Variants in KIAA1671 observed in about 807,000 individuals in gnomAD.
KIAA1671 encodes the protein uncharacterized protein KIAA1671.
In KIAA1671, 52 loss-of-function variants were observed where a neutral mutation model predicts 131.2. That is an observed-to-expected ratio of 0.40 (90% CI 0.32 to 0.50). The LOEUF is 0.50. KIAA1671 is among the 20% of genes least tolerant of loss of function. The pLI, the probability that KIAA1671 is intolerant of heterozygous loss-of-function variation, is 0.73. For synonymous variants in KIAA1671, 1,003 were observed against 961.6 expected, an observed-to-expected ratio of 1.04 and a Z score of -0.80; for missense variants, 2,360 against 2,364.2, an observed-to-expected ratio of 1.00 and a Z score of 0.04.
At chr22:25,180,490 A>G (rs533081381) in intron 9 of KIAA1671, among the ~76,000 whole-genome samples, 3 of 152,270 alleles carry the variant, frequency 2.0e-5, no homozygotes, top group African/African-American at 7.2e-5. Flanking sequence ...GGGAGCCGAG[A>G]TCGTGCCACT....
intron 1 of KIAA1671, among the ~76,000 whole-genome samples, chr22:25,004,619 T>C (rs1004383339): frequency 6.6e-6 from 1 of 152,132 alleles, no homozygotes; most frequent in African/African-American, 2.4e-5. Context: ...ATTTTATTTT[T>C]CCCCTGAAAC....
Position 25,041,196 on chromosome 22 carries a change from C to T in KIAA1671, c.4066C>T (p.Pro1356Ser). The change falls in exon 5 of 13, where the codon CCA becomes TCA. Residue 1356 changes from proline to serine, a missense_variant. Around this residue, in one of 3 missense-constraint regions of KIAA1671, gnomAD observed 1,161 missense variants for 1,204.7 expected, o/e 0.96. Coordinates refer to ENST00000358431, the MANE Select transcript of KIAA1671 (RefSeq NM_001145206.2). ...AESKPSGRED[P>S]GSGVRVSPKS... is the part of the protein sequence containing the mutation. ...GTCAAAGCCCTCTGGTCGGGAGGAT[C>T]CAGGCAGTGGGGTCAGGGTGTCACC... The T allele has an allele frequency of 6.4e-7, 1 of 1,551,782 alleles. No individual in the cohort carries two copies.
chr22:25,051,135 G>T (rs1014736132), intron 6 of KIAA1671: 2 of 152,330 alleles, frequency 1.3e-5, no homozygotes, highest in African/African-American at 4.8e-5. Flanking sequence ...TCTCCTCAGA[G>T]GTAGGTGGGT....
chr22:24,963,840 T>A (rs1922148313), intron 1 of KIAA1671, among the ~76,000 whole-genome samples: 1 of 150,794 alleles, frequency 6.6e-6, no homozygotes, highest in Non-Finnish European at 1.5e-5. Flanking sequence ...CTCAGGAGGC[T>A]GAGGCAGGAG....
chr22:25,051,712 A>G (rs1002235022), intron 6 of KIAA1671: 45 of 152,186 alleles, frequency 3.0e-4, no homozygotes, highest in African/African-American at 9.9e-4. Flanking sequence ...GACCCAGCAG[A>G]GGAGGGCTGG....
At chr22:25,139,774 G>T (rs944095135) in intron 6 of KIAA1671, among the ~76,000 whole-genome samples, 5 of 152,200 alleles carry the variant, frequency 3.3e-5, no homozygotes, top group Non-Finnish European at 5.9e-5. Context: ...TTTGAGGAGG[G>T]AACATAGAAG....
chr22:25,088,198 C>T (rs1276526925), intron 6 of KIAA1671, among the ~76,000 whole-genome samples: 1 of 151,680 alleles, frequency 6.6e-6, no homozygotes, highest in Non-Finnish European at 1.5e-5. Context: ...ACCTCTGCCT[C>T]TGAGGTTCAA....
chr22:25,092,834 G>A (rs954698527), intron 6 of KIAA1671, among the ~76,000 whole-genome samples: 1 of 152,132 alleles, frequency 6.6e-6, no homozygotes, highest in Non-Finnish European at 1.5e-5. Context: ...GGGAGCTGTT[G>A]CGAGTTGGTG....
chr22:25,074,754 C>T (rs959425606), intron 6 of KIAA1671, among the ~76,000 whole-genome samples: 3 of 152,094 alleles, frequency 2.0e-5, no homozygotes, highest in African/African-American at 4.8e-5. Context: ...ACTATACATG[C>T]CACAGTTTCT....
At chr22:25,023,207 CTAAA>C (rs1329589846) in intron 1 of KIAA1671, 2 of 151,788 alleles carry the variant, frequency 1.3e-5, no homozygotes, top group Non-Finnish European at 2.9e-5. Flanking sequence ...GACTCTGTCT[CTAAA>C]TAAATAAACA....
rs1926876574 is a variant in KIAA1671, at chr22:25,040,782, G to A, written c.3652G>A (p.Glu1218Lys). Residue 1218 changes from glutamate to lysine, a missense_variant, in exon 5 of 13, where the codon GAG becomes AAG. Glu to Lys is a moderately conservative substitution (Grantham distance 56). Transcript: ENST00000358431. ...YQELSLKVPG[E>K]AQERRSPTVE... ...GGAGCTGTCGCTGAAAGTCCCTGGG[G>A]AGGCTCAGGAGAGGAGGAGTCCCAC... The A allele has an allele frequency of 1.9e-6, 3 of 1,551,696 alleles. No individual in the cohort carries two copies. Among genetic ancestry groups the A allele is most frequent in the East Asian group, 4.9e-5 (2 of 40,928 alleles).
intron 9 of KIAA1671, among the ~76,000 whole-genome samples, chr22:25,181,342 C>G (rs537748429): frequency 6.6e-6 from 1 of 152,188 alleles, no homozygotes; most frequent in Non-Finnish European, 1.5e-5. Flanking sequence ...AGCATAACCT[C>G]GGTGCATTGT....
intron 6 of KIAA1671, among the ~76,000 whole-genome samples, chr22:25,082,425 A>AT (rs921458225): frequency 6.6e-6 from 1 of 152,162 alleles, no homozygotes; most frequent in Non-Finnish European, 1.5e-5. Flanking sequence ...GGTGTCATTG[A>AT]TTTTATCACT....
At chr22:24,994,534 G>A (rs1033251310) in intron 1 of KIAA1671, among the ~76,000 whole-genome samples, 3 of 152,210 alleles carry the variant, frequency 2.0e-5, no homozygotes, top group African/African-American at 7.2e-5. Flanking sequence ...GAGTCCAACA[G>A]TGTTTGGTAT....
chr22:24,979,529 TTAG>T (rs1923118297), intron 1 of KIAA1671, among the ~76,000 whole-genome samples: 1 of 150,550 alleles, frequency 6.6e-6, no homozygotes, highest in African/African-American at 2.4e-5. Flanking sequence ...TTTTGTATTT[TTAG>T]TAGAGACAGG....
intron 10 of KIAA1671, among the ~76,000 whole-genome samples, chr22:25,182,242 CCT>C (rs1480365500): frequency 6.6e-6 from 1 of 151,804 alleles, no homozygotes; most frequent in African/African-American, 2.4e-5. Context: ...TTCCTCCCTC[CCT>C]GTCTTCCTCC....
chr22:25,059,149 C>G (rs1306394865), intron 6 of KIAA1671: 1 of 152,118 alleles, frequency 6.6e-6, no homozygotes, highest in Non-Finnish European at 1.5e-5. Flanking sequence ...GTTTTCAGTG[C>G]AGAGTTGAAG....
At chr22:24,972,790 G>A (rs1235383013) in intron 1 of KIAA1671, among the ~76,000 whole-genome samples, 3 of 152,130 alleles carry the variant, frequency 2.0e-5, no homozygotes, top group Admixed American at 6.6e-5. Flanking sequence ...CAGTGCCTTC[G>A]TAGTCCTGAC....
chr22:25,059,320 A>T (rs891635413), intron 6 of KIAA1671: 1 of 152,066 alleles, frequency 6.6e-6, no homozygotes, highest in African/African-American at 2.4e-5. Flanking sequence ...TACAAAAATT[A>T]GCTGGGTGTA....
Sources: gnomAD v4.1 joint callset for allele counts (sites outside exome capture counted in the v4.1 genomes callset) on GRCh38, gnomAD v4.1.1 for gene constraint, gnomAD v4.1.1 regional missense constraint, MANE v1.5 for transcripts, NCBI Gene and HGNC (gene_info 2026-07-23, HGNC 2026-07-21) for gene names.